AP1G1: variants seen among roughly 807,000 people sequenced by gnomAD.
AP1G1 encodes the protein adaptor related protein complex 1 subunit gamma 1, also known as AP-1 complex subunit gamma-1.
In AP1G1, 7 loss-of-function variants were observed where a neutral mutation model predicts 108.3. The observed-to-expected ratio is 0.06, with a 90% CI of 0.04 to 0.12. AP1G1 has a LOEUF of 0.12. Ranked by LOEUF, AP1G1 falls within the 10% of genes least tolerant of loss-of-function variation. The pLI is 1.00. For synonymous variants in AP1G1, 379 were observed against 353.5 expected (o/e 1.07, Z -0.81); for missense variants, 756 against 1,010.7 (o/e 0.75, Z 3.42).
At chr16:71,768,679 G>A (rs1233065956) in intron 6 of AP1G1, among the ~76,000 whole-genome samples, 1 of 150,654 alleles carries the variant, frequency 6.6e-6, no homozygotes, top group African/African-American at 2.4e-5. Flanking sequence ...ACTTTGGGAG[G>A]CTGAGGCGGG....
intron 2 of AP1G1, among the ~76,000 whole-genome samples, chr16:71,788,800 T>G (rs1379118293): frequency 1.3e-5 from 2 of 149,390 alleles, no homozygotes; most frequent in Non-Finnish European, 3.0e-5. Flanking sequence ...TAGCTGGGAC[T>G]AAAGGCATGC....
chr16:71,752,789 C>T (rs2030571837), intron 13 of AP1G1, among the ~76,000 whole-genome samples: 1 of 152,068 alleles, frequency 6.6e-6, no homozygotes, highest in Non-Finnish European at 1.5e-5. Flanking sequence ...TTTTCTAACA[C>T]TGGGAATTAG....
chr16:71,775,607 A>G (rs1388903933), intron 2 of AP1G1, among the ~76,000 whole-genome samples: 1 of 152,176 alleles, frequency 6.6e-6, no homozygotes, highest in Non-Finnish European at 1.5e-5. Context: ...ATTAAAAAAA[A>G]CTCAATAACT....
intron 21 of AP1G1, among the ~76,000 whole-genome samples, chr16:71,736,492 T>C (rs1247444830): frequency 2.7e-5 from 4 of 146,444 alleles, no homozygotes; most frequent in East Asian, 4.1e-4. Context: ...GCCATTCTCC[T>C]GCCTCAGCCT....
intron 9 of AP1G1, among the ~76,000 whole-genome samples, chr16:71,762,911 C>T (rs146590996): frequency 9.9e-5 from 15 of 152,238 alleles, no homozygotes; most frequent in Admixed American, 5.9e-4. Flanking sequence ...GAAGTTGGGG[C>T]GGCGGGGGGT....
In AP1G1 at chr16:71,774,685, A is replaced by G. The variant is rs2031708886; in HGVS notation, c.202-93T>C. 5.3e-6 allele frequency: 7 copies of G among 1,312,710 alleles called. No homozygotes were observed. The African/African-American group carries it at 6.0e-5, about 11-fold the overall frequency. The allele number at this position is 1,312,710 out of a possible 1,614,324, so 81.3% of individuals were successfully genotyped here. On this transcript the variant is annotated intron_variant, in intron 2 of 22. Coordinates refer to ENST00000299980, the MANE Select transcript of AP1G1 (RefSeq NM_001128.6). Reference sequence around the variant, plus strand: ...TTTAACCCAGAGTCCCCAGCTGGCTAAAGTAAAGTACAAATGTGTTTCATC... The same window carrying G: ...TTTAACCCAGAGTCCCCAGCTGGCTGAAGTAAAGTACAAATGTGTTTCATC...
chr16:71,742,070 A>C (rs1395221625), intron 19 of AP1G1, among the ~76,000 whole-genome samples: 1 of 152,188 alleles, frequency 6.6e-6, no homozygotes, highest in Non-Finnish European at 1.5e-5. Context: ...TTAATGTAAA[A>C]AGTGGAAAAA....
chr16:71,807,105 C>A (rs9923154), intron 1 of AP1G1, among the ~76,000 whole-genome samples: 5,734 of 152,242 alleles, frequency 0.038, 363 homozygotes, highest in African/African-American at 0.13. Flanking sequence ...TAACTTGAAA[C>A]GTAGGAAATG....
chr16:71,805,787 C>T lies in AP1G1; in HGVS notation c.-4+2976G>A, dbSNP rs558217323. On this transcript the variant is annotated intron_variant, in intron 1 of 22. Transcript: ENST00000299980. ...AGGTGGCTCACACCTGTAATCTCAG[C>T]ACTTTGCGAGGCCGAGGCAAGAGGA... 2.3e-4 allele frequency among the ~76,000 whole-genome samples: 35 copies of T among 152,210 alleles called. 1 individual carries two copies. Among genetic ancestry groups the T allele is most frequent in the Admixed American group, 1.7e-3 (26 of 15,268 alleles).
intron 1 of AP1G1, among the ~76,000 whole-genome samples, chr16:71,802,331 G>C (rs1163402291): frequency 6.6e-6 from 1 of 152,080 alleles, no homozygotes; most frequent in Non-Finnish European, 1.5e-5. Context: ...CAGTGGCACA[G>C]TCTTAGCTCA....
At chr16:71,782,937 C>T (rs898465026) in intron 2 of AP1G1, among the ~76,000 whole-genome samples, 4 of 152,052 alleles carry the variant, frequency 2.6e-5, no homozygotes. Context: ...CATTTCCTTA[C>T]CCTGGATTTG....
intron 10 of AP1G1, among the ~76,000 whole-genome samples, chr16:71,759,755 G>A (rs2030987849): frequency 1.3e-5 from 2 of 149,404 alleles, no homozygotes; most frequent in South Asian, 2.1e-4. Flanking sequence ...GCGAGACTCT[G>A]TCTCAAAAAA....
intron 4 of AP1G1, 90 bp from the exon 5 acceptor site, chr16:71,771,342 C>A: frequency 1.5e-6 from 1 of 685,810 alleles, no homozygotes; most frequent in Non-Finnish European, 2.3e-6. Flanking sequence ...ACAAAAATCT[C>A]ACCAACTAGT....
At chr16:71,765,250 C>A (rs183559752) in intron 7 of AP1G1, among the ~76,000 whole-genome samples, 9 of 152,320 alleles carry the variant, frequency 5.9e-5, no homozygotes, top group Non-Finnish European at 1.3e-4. Flanking sequence ...TCACTTGACC[C>A]TGGGAGGTCG....
chr16:71,808,764 G>C lies in AP1G1; in HGVS notation c.-5C>G. ...CTCAGCGCCGGGAGTGACACTCACC[G>C]GCCCGAAACCTCGAATGAAACCAGC... is the stretch of plus-strand genomic sequence containing the variant. On this transcript the variant is annotated splice_region_variant and 5_prime_UTR_variant, in exon 1 of 23. Coordinates refer to ENST00000299980, the MANE Select transcript of AP1G1 (RefSeq NM_001128.6). The C allele has an allele frequency of 2.3e-6, 3 of 1,289,594 alleles. No homozygotes were observed. Among genetic ancestry groups the C allele is most frequent in the Non-Finnish European group, 3.0e-6 (3 of 988,700 alleles). The allele number at this position is 1,289,594 out of a possible 1,614,324, so 79.9% of individuals were successfully genotyped here.
intron 21 of AP1G1, among the ~76,000 whole-genome samples, chr16:71,736,551 A>ATTATTTATTTAT (rs369844976): frequency 5.7e-5 from 6 of 105,904 alleles, no homozygotes; most frequent in Admixed American, 1.0e-4. Context: ...CGGCTAATTT[A>ATTATTTATTTAT]TTATTTATTT....
At chr16:71,750,893 A>C (rs961635257) in intron 13 of AP1G1, among the ~76,000 whole-genome samples, 1 of 151,190 alleles carries the variant, frequency 6.6e-6, no homozygotes, top group Non-Finnish European at 1.5e-5. Flanking sequence ...GTGGTGGCTC[A>C]CGCCTGTAAT....
At chr16:71,778,523 A>G (rs1291907760) in intron 2 of AP1G1, among the ~76,000 whole-genome samples, 1 of 152,082 alleles carries the variant, frequency 6.6e-6, no homozygotes, top group Non-Finnish European at 1.5e-5. Flanking sequence ...TCTCTACTGA[A>G]ATACAAAAAA....
At chr16:71,781,427 CTATT>C (rs1430504998) in intron 2 of AP1G1, among the ~76,000 whole-genome samples, 1 of 152,194 alleles carries the variant, frequency 6.6e-6, no homozygotes, top group Non-Finnish European at 1.5e-5. Context: ...ACATTTCACC[CTATT>C]TATTTTACAT....
Sources: allele counts gnomAD v4.1 joint callset (sites outside exome capture counted in the v4.1 genomes callset), GRCh38; gene constraint gnomAD v4.1.1; transcripts MANE v1.5; gene names NCBI Gene and HGNC (gene_info 2026-07-23, HGNC 2026-07-21).